The following BRAF variants were observed in gnomAD, a reference collection of about 807,000 sequenced individuals.
BRAF encodes serine/threonine-protein kinase B-raf.
In BRAF, 16 loss-of-function variants were observed where a neutral mutation model predicts 104.6. The ratio of observed to expected loss-of-function variants is 0.15; its 90% CI spans 0.10 to 0.23. The LOEUF is 0.23. BRAF is among the 10% of genes least tolerant of loss of function. The pLI, the probability that BRAF is intolerant of heterozygous loss-of-function variation, is 1.00. For missense variants in BRAF, 541 were observed against 937.3 expected (o/e 0.58, Z 5.52); for synonymous variants, 310 against 341.6 (o/e 0.91, Z 1.02).
At chr7:140,891,405 A>C (rs995228167) in intron 1 of BRAF, among the ~76,000 whole-genome samples, 7 of 152,246 alleles carry the variant, frequency 4.6e-5, no homozygotes, top group Non-Finnish European at 1.5e-5. Context: ...CTTACTTTCC[A>C]TATACTTTAA....
At position 140,725,237 on chromosome 7, in the gene BRAF, A is replaced by G. The variant is rs1795534735; in HGVS notation, c.*1257T>C. 1 of 1,044,930 alleles carries G rather than the reference A, an allele frequency of 9.6e-7. No individual in the cohort carries two copies. Among genetic ancestry groups the G allele is most frequent in the Non-Finnish European group, 1.2e-6 (1 of 866,184 alleles). The allele number at this position is 1,044,930 out of a possible 1,614,324, so 64.7% of individuals were successfully genotyped here. Reference sequence around the variant, plus strand: ...TAGTGTTAGGAATCAGTTGGAAGAAACAATGAGATTATTAGCAAAGATGTT... The same window carrying G: ...TAGTGTTAGGAATCAGTTGGAAGAAGCAATGAGATTATTAGCAAAGATGTT... On this transcript the variant is annotated 3_prime_UTR_variant, in exon 20 of 20. Coordinates refer to ENST00000644969, the MANE Select transcript of BRAF (RefSeq NM_001374258.1).
rs1795229513 is a variant in BRAF, at chr7:140,719,659, G to C, written c.*6835C>G. On this transcript the variant is annotated 3_prime_UTR_variant, in exon 20 of 20. Transcript: ENST00000644969. The stretch of plus-strand genomic sequence containing the variant: ...AAGATTCAAGCAAACATTGAGAATA[G>C]GGGAAAAGAGGGAGACATCATCCAT... The C allele has an allele frequency of 9.4e-7, 1 of 1,061,160 alleles. No homozygotes were observed. The allele number at this position is 1,061,160 out of a possible 1,614,324, so 65.7% of individuals were successfully genotyped here.
intron 14 of BRAF, among the ~76,000 whole-genome samples, chr7:140,764,041 A>G (rs1799058053): frequency 6.6e-6 from 1 of 152,194 alleles, no homozygotes; most frequent in East Asian, 1.9e-4. Flanking sequence ...TGATGCAAAA[A>G]TCCTCAATAA....
At chr7:140,896,863 CAA>C (rs766150256) in intron 1 of BRAF, among the ~76,000 whole-genome samples, 3 of 36,734 alleles carry the variant, frequency 8.2e-5, no homozygotes, top group Non-Finnish European at 1.2e-4. Context: ...GACTCCATCT[CAA>C]AAAAAAAAAA....
chr7:140,882,749 T>TGTAA (rs1813081815), intron 1 of BRAF, among the ~76,000 whole-genome samples: 1 of 149,888 alleles, frequency 6.7e-6, no homozygotes, highest in Non-Finnish European at 1.5e-5. Flanking sequence ...TGCCAGCACT[T>TGTAA]TGGGAGGCCG....
chr7:140,743,436 A>G (rs1202464756), intron 17 of BRAF, among the ~76,000 whole-genome samples: 1 of 152,146 alleles, frequency 6.6e-6, no homozygotes, highest in Non-Finnish European at 1.5e-5. Flanking sequence ...ACATGGATGA[A>G]ACTGGAAATC....
At chr7:140,814,271 C>T (rs895653379) in intron 3 of BRAF, among the ~76,000 whole-genome samples, 2 of 152,110 alleles carry the variant, frequency 1.3e-5, no homozygotes, top group African/African-American at 2.4e-5. Context: ...TGTATGAGTC[C>T]AAACTTTCAC....
intron 3 of BRAF, 153 bp downstream of exon 3, chr7:140,834,456 C>T (rs1010015379): frequency 1.8e-6 from 2 of 1,085,646 alleles, no homozygotes; most frequent in Admixed American, 2.3e-5. Context: ...GACTTTGCCA[C>T]CAAATAATTA....
rs770065462 is a variant in BRAF at position 140,749,428 on chromosome 7, C to T, written c.1981-10G>A. The T allele has an allele frequency of 6.2e-7, 1 of 1,612,116 alleles. No individual in the cohort carries two copies. ...TGATGACTTCTGGTGCCTGTTAGAACATACAAAGAAAAATATTCTTCACTT... is the reference window on the plus strand; with the variant it reads ...TGATGACTTCTGGTGCCTGTTAGAATATACAAAGAAAAATATTCTTCACTT... On this transcript the variant is annotated splice_polypyrimidine_tract_variant and intron_variant, in intron 16 of 19. Transcript: ENST00000644969.
intron 1 of BRAF, among the ~76,000 whole-genome samples, chr7:140,888,210 G>A (rs1813795238): frequency 6.6e-6 from 1 of 152,148 alleles, no homozygotes; most frequent in African/African-American, 2.4e-5. Flanking sequence ...CTAACTTAGG[G>A]TTAGTATCAG....
At chr7:140,755,611 C>T (rs141529861) in intron 14 of BRAF, among the ~76,000 whole-genome samples, 2 of 152,272 alleles carry the variant, frequency 1.3e-5, no homozygotes, top group African/African-American at 4.8e-5. Flanking sequence ...TGAAAATTAT[C>T]TTGTCATGAC....
intron 2 of BRAF, among the ~76,000 whole-genome samples, chr7:140,839,459 G>A (rs1807700317): frequency 6.6e-6 from 1 of 152,002 alleles, no homozygotes; most frequent in Non-Finnish European, 1.5e-5. Flanking sequence ...GCCAGGGGTG[G>A]TGGCTCACAC....
intron 1 of BRAF, among the ~76,000 whole-genome samples, chr7:140,894,826 C>G (rs1397503657): frequency 6.6e-6 from 1 of 152,056 alleles, no homozygotes; most frequent in Admixed American, 6.6e-5. Flanking sequence ...AAGCCCTGAA[C>G]AAATGCTGTA....
intron 14 of BRAF, among the ~76,000 whole-genome samples, chr7:140,760,529 C>T (rs1798604084): frequency 6.6e-6 from 1 of 151,396 alleles, no homozygotes; most frequent in Non-Finnish European, 1.5e-5. Context: ...TGAATACCAA[C>T]AAGTCTTTTG....
chr7:140,805,083 C>G (rs528388020), intron 5 of BRAF, among the ~76,000 whole-genome samples: 1 of 152,286 alleles, frequency 6.6e-6, no homozygotes, highest in Non-Finnish European at 1.5e-5. Context: ...GAGGCATGAG[C>G]CACTGTGCCC....
intron 14 of BRAF, among the ~76,000 whole-genome samples, chr7:140,764,341 A>G (rs1436539395): frequency 3.3e-5 from 5 of 151,342 alleles, no homozygotes; most frequent in African/African-American, 7.3e-5. Context: ...AGCCAATATC[A>G]TACTGAATGG....
chr7:140,765,325 A>C (rs1181466788), intron 14 of BRAF, among the ~76,000 whole-genome samples: 1 of 151,970 alleles, frequency 6.6e-6, no homozygotes, highest in East Asian at 1.9e-4. Flanking sequence ...CTTAAACGTT[A>C]GACCTAAAAC....
intron 1 of BRAF, among the ~76,000 whole-genome samples, chr7:140,880,501 T>C (rs1323890492): frequency 6.6e-6 from 1 of 152,210 alleles, no homozygotes; most frequent in East Asian, 1.9e-4. Context: ...CTGTTAATGG[T>C]GCTATTTTGA....
intron 1 of BRAF, among the ~76,000 whole-genome samples, chr7:140,865,506 C>T (rs965041304): frequency 1.2e-4 from 19 of 152,076 alleles, no homozygotes; most frequent in South Asian, 4.1e-4. Flanking sequence ...AGGCAGGTAG[C>T]GGGCATTTTG....
Sources: allele counts gnomAD v4.1 joint callset (sites outside exome capture counted in the v4.1 genomes callset), GRCh38; gene constraint gnomAD v4.1.1; transcripts MANE v1.5; gene names NCBI Gene and HGNC (gene_info 2026-07-23, HGNC 2026-07-21).